The following SEMA3A variants were observed in gnomAD, a reference collection of about 807,000 sequenced individuals.
SEMA3A encodes the protein semaphorin 3A.
SEMA3A carries 29 observed loss-of-function variants against 97.9 expected under a neutral mutation model. The ratio of observed to expected loss-of-function variants is 0.30; its 90% confidence interval spans 0.22 to 0.40. The LOEUF (loss-of-function observed/expected upper bound fraction) is 0.40, where lower values mean the gene tolerates loss of function less well. SEMA3A is among the 10% of genes least tolerant of loss of function. The probability of loss-of-function intolerance (pLI) is 1.00; values close to 1 mark genes in which losing one functional copy is unlikely to be tolerated. For synonymous variants in SEMA3A, 321 were observed against 323.7 expected, an observed-to-expected ratio of 0.99 and a Z score of 0.09; for missense variants, 763 against 951.3, an observed-to-expected ratio of 0.80 and a Z score of 2.60.
At chr7:84,027,528 TTTTG>T (rs1219985024) in intron 6 of SEMA3A, among the ~76,000 whole-genome samples, 1 of 152,182 alleles carries the variant, frequency 6.6e-6, no homozygotes, top group Non-Finnish European at 1.5e-5. Flanking sequence ...TCACTAAGTT[TTTTG>T]TTTGTTTGTT....
rs138083206 is a variant in SEMA3A, at chr7:84,487,991, T to C, written c.-246+4469A>G. ...TCCATTTGTCTTGCGTAAGTCTGCT[T>C]GTGTTTGTAAAAGTAAACTATGTGT... On this transcript the variant is annotated intron_variant, in intron 1 of 3. Transcript: ENST00000424555. 2.9e-3 allele frequency among the ~76,000 whole-genome samples: 444 copies of C among 152,184 alleles called. 1 individual carries two copies. The highest frequency in any genetic ancestry group is 0.01 in the African/African-American group (426 of 41,534).
Position 84,275,949 on chromosome 7 carries a change from C to T in SEMA3A, c.-83+31258G>A, listed in dbSNP as rs552696206. Reference sequence around the variant, plus strand: ...TAGAAATTTAAAATTATTTACATGGCTCATATTACATTTTTATCGGACGTT... The same window carrying T: ...TAGAAATTTAAAATTATTTACATGGTTCATATTACATTTTTATCGGACGTT... On this transcript the variant is annotated intron_variant, in intron 3 of 3. Transcript: ENST00000424555. 8.6e-5 allele frequency among the ~76,000 whole-genome samples: 13 copies of T among 151,990 alleles called. No homozygotes were observed. The East Asian group carries it at 2.5e-3, about 29-fold the overall frequency.
chr7:84,188,529 T>A (rs940566440), intron 1 of SEMA3A, among the ~76,000 whole-genome samples: 4 of 151,966 alleles, frequency 2.6e-5, no homozygotes, highest in Admixed American at 1.3e-4. Flanking sequence ...AATGCCATTT[T>A]CTTAACATTA....
chr7:84,074,632 T>G (rs1368055879), intron 4 of SEMA3A, among the ~76,000 whole-genome samples: 1 of 152,058 alleles, frequency 6.6e-6, no homozygotes, highest in Non-Finnish European at 1.5e-5. Context: ...AAGGAAGATG[T>G]GTACCTATAA....
At chr7:84,208,255 A>G (rs971332277) in intron 3 of SEMA3A, among the ~76,000 whole-genome samples, 1 of 152,114 alleles carries the variant, frequency 6.6e-6, no homozygotes, top group African/African-American at 2.4e-5. Context: ...GATCGAGACC[A>G]TCCTGGCTAA....
chr7:84,044,271 T>C (rs1412466477), intron 6 of SEMA3A, among the ~76,000 whole-genome samples: 1 of 152,132 alleles, frequency 6.6e-6, no homozygotes, highest in South Asian at 2.1e-4. Flanking sequence ...TTTGGAGTTC[T>C]GCACATGCTC....
At chr7:84,301,774 A>C (rs1350465358) in intron 3 of SEMA3A, among the ~76,000 whole-genome samples, 2 of 152,170 alleles carry the variant, frequency 1.3e-5, no homozygotes, top group Admixed American at 6.5e-5. Context: ...AATTTGGCTT[A>C]AGTACTATAG....
intron 1 of SEMA3A, among the ~76,000 whole-genome samples, chr7:84,427,958 G>A (rs1260098600): frequency 3.9e-5 from 6 of 152,048 alleles, no homozygotes; most frequent in African/African-American, 9.7e-5. Context: ...AATGTAGAGT[G>A]ATTCAGCATT....
intron 3 of SEMA3A, among the ~76,000 whole-genome samples, chr7:84,123,261 A>G (rs1795682095): frequency 6.6e-6 from 1 of 152,126 alleles, no homozygotes; most frequent in African/African-American, 2.4e-5. Flanking sequence ...GCACTAGAAA[A>G]ATACCGAAAA....
At chr7:83,983,699 A>C (rs2116325254) in intron 13 of SEMA3A, among the ~76,000 whole-genome samples, 1 of 152,264 alleles carries the variant, frequency 6.6e-6, no homozygotes, top group Middle Eastern at 3.4e-3. Flanking sequence ...GTGCAAAAAT[A>C]ATTATGCTAT....
intron 5 of SEMA3A, among the ~76,000 whole-genome samples, chr7:84,058,926 A>G (rs1793105946): frequency 6.6e-6 from 1 of 152,188 alleles, no homozygotes; most frequent in South Asian, 2.1e-4. Flanking sequence ...GAACTAGGTA[A>G]TACCTACTTG....
At chr7:84,344,318 C>G (rs941703107) in intron 2 of SEMA3A, among the ~76,000 whole-genome samples, 1 of 152,082 alleles carries the variant, frequency 6.6e-6, no homozygotes, top group Admixed American at 6.6e-5. Flanking sequence ...TACACACACA[C>G]AAAATGGTTG....
chr7:83,992,641 C>A (rs1338971527), intron 12 of SEMA3A, among the ~76,000 whole-genome samples: 2 of 151,586 alleles, frequency 1.3e-5, no homozygotes, highest in Non-Finnish European at 2.9e-5. Context: ...GAGTGAGATT[C>A]TTAATCCTGA....
At position 83,958,263 on chromosome 7, in the gene SEMA3A, C is replaced by T. The variant is rs1025326324; in HGVS notation, c.*3108G>A. ...GTTAGCTAATTATGTAGCAACCTGA[C>T]TCTGGTTCTCAACATTTTATGAGCT... On this transcript the variant is annotated 3_prime_UTR_variant, in exon 17 of 17. Coordinates refer to ENST00000265362, the MANE Select transcript of SEMA3A (RefSeq NM_006080.3). 6.6e-6 allele frequency: 1 copy of T among 152,468 alleles called. No homozygotes were observed. The highest frequency in any genetic ancestry group is 6.6e-5 in the Admixed American group (1 of 15,238). The allele number at this position is 152,468 out of a possible 1,614,324, so 9.4% of individuals were successfully genotyped here.
chr7:84,245,978 T>C (rs1799467596), intron 3 of SEMA3A, among the ~76,000 whole-genome samples: 1 of 152,202 alleles, frequency 6.6e-6, no homozygotes, highest in South Asian at 2.1e-4. Context: ...CCAGGTGCTC[T>C]GTCCCAGGGA....
chr7:84,236,006 C>G (rs1283242355), intron 3 of SEMA3A, among the ~76,000 whole-genome samples: 1 of 152,096 alleles, frequency 6.6e-6, no homozygotes, highest in Non-Finnish European at 1.5e-5. Context: ...ATTCTCAAAT[C>G]ATTATCAAAA....
chr7:84,120,655 C>A (rs1344413236), intron 3 of SEMA3A, among the ~76,000 whole-genome samples: 1 of 152,164 alleles, frequency 6.6e-6, no homozygotes, highest in South Asian at 2.1e-4. Context: ...CATCAAAATT[C>A]TTGATGAAAA....
Position 83,998,708 on chromosome 7 carries a change from G to A in SEMA3A, c.1452+3247C>T, listed in dbSNP as rs118125154. Among the ~76,000 whole-genome samples, 787 of 151,868 alleles carry A rather than the reference G, an allele frequency of 5.2e-3. 5 individuals carry two copies. Among genetic ancestry groups the A allele is most frequent in the Middle Eastern group, 0.01 (3 of 294 alleles). ...AAACATTTAGCTTAAAACACATATT[G>A]TACACCTGTCCCAACATGTTTTCTT... On this transcript the variant is annotated intron_variant, in intron 12 of 16. Coordinates refer to ENST00000265362, the MANE Select transcript of SEMA3A (RefSeq NM_006080.3).
chr7:84,091,518 A>G (rs1410865677), intron 4 of SEMA3A, among the ~76,000 whole-genome samples: 1 of 152,114 alleles, frequency 6.6e-6, no homozygotes, highest in Non-Finnish European at 1.5e-5. Context: ...GTGGGTGGAG[A>G]TTTAGAATGA....
Sources: gnomAD v4.1 joint callset for allele counts (sites outside exome capture counted in the v4.1 genomes callset) on GRCh38, gnomAD v4.1.1 for gene constraint, MANE v1.5 for transcripts, NCBI Gene and HGNC (gene_info 2026-07-23, HGNC 2026-07-21) for gene names.